ATXN8OS: variants seen among roughly 807,000 people sequenced by gnomAD.
ATXN8OS encodes the protein ATXN8 opposite strand lncRNA, also known as ATXN8 opposite strand (non-protein coding).
At chr13:70,166,670 G>A (rs1240784747) in intron 4 of ATXN8OS, among the ~76,000 whole-genome samples, 1 of 152,020 alleles carries the variant, frequency 6.6e-6, no homozygotes, top group Admixed American at 6.6e-5. Flanking sequence ...TTGACAAATG[G>A]GATCTAATTA....
intron 3 of ATXN8OS, among the ~76,000 whole-genome samples, chr13:70,135,412 G>GCTCT (rs372937984): frequency 6.7e-6 from 1 of 149,502 alleles, no homozygotes; most frequent in African/African-American, 2.5e-5. Flanking sequence ...TTACTTAATG[G>GCTCT]CTCTCTCTCT....
chr13:70,121,469 G>A (rs1888359668), intron 2 of ATXN8OS, among the ~76,000 whole-genome samples: 1 of 152,080 alleles, frequency 6.6e-6, no homozygotes. Flanking sequence ...AAGGTGACCT[G>A]TATTGGATTA....
At chr13:70,166,371 A>G (rs1889075361) in intron 4 of ATXN8OS, among the ~76,000 whole-genome samples, 1 of 152,038 alleles carries the variant, frequency 6.6e-6, no homozygotes, top group Non-Finnish European at 1.5e-5. Context: ...CATATCTACA[A>G]CCATCTGATC....
chr13:70,156,099 T>C (rs1474415509), intron 4 of ATXN8OS, among the ~76,000 whole-genome samples: 1 of 152,118 alleles, frequency 6.6e-6, no homozygotes, highest in East Asian at 1.9e-4. Flanking sequence ...AATTTTTTGA[T>C]ATTTGCTCAT....
At position 70,151,862 on chromosome 13, in the gene ATXN8OS, A is replaced by C. The variant is rs574872046; in HGVS notation, n.573+4434A>C. On this transcript the variant is annotated intron_variant and non_coding_transcript_variant, in intron 4 of 4. Transcript: ENST00000678624. ...TAGGCGTGGTGATCACTGGAATGGT[A>C]AACATAGAATCATTTTGAGATATAT... Among the ~76,000 whole-genome samples, 12 of 152,252 alleles carry C rather than the reference A, an allele frequency of 7.9e-5. No individual in the cohort carries two copies. The South Asian group carries it at 2.5e-3, about 32-fold the overall frequency.
At chr13:70,129,562 T>G (rs2137482170) in intron 2 of ATXN8OS, among the ~76,000 whole-genome samples, 1 of 152,294 alleles carries the variant, frequency 6.6e-6, no homozygotes, top group South Asian at 2.1e-4. Context: ...GCAATATATT[T>G]AGTTAATTAT....
chr13:70,151,317 C>T (rs745543221), intron 4 of ATXN8OS, among the ~76,000 whole-genome samples: 12 of 152,044 alleles, frequency 7.9e-5, no homozygotes, highest in Non-Finnish European at 1.2e-4. Flanking sequence ...ACCCTTCCCC[C>T]GGCAACTGAC....
intron 4 of ATXN8OS, among the ~76,000 whole-genome samples, chr13:70,158,146 G>A (rs1237044966): frequency 2.0e-5 from 3 of 152,194 alleles, no homozygotes; most frequent in Non-Finnish European, 4.4e-5. Flanking sequence ...AGAGGCTGGC[G>A]TGGTGGCTCA....
At chr13:70,115,491 G>A (rs139533884) in intron 2 of ATXN8OS, among the ~76,000 whole-genome samples, 15 of 152,214 alleles carry the variant, frequency 9.9e-5, no homozygotes, top group African/African-American at 2.9e-4. Flanking sequence ...TTGTGTATTT[G>A]TGTAGATACA....
chr13:70,107,731 C>T, upstream of ATXN8OS: 1 of 1,486,458 alleles, frequency 6.7e-7, no homozygotes, highest in Non-Finnish European at 8.9e-7. Context: ...AGGCTGGCAG[C>T]TCACGCAGGA....
At chr13:70,121,349 G>C (rs1888358075) in intron 2 of ATXN8OS, among the ~76,000 whole-genome samples, 1 of 152,046 alleles carries the variant, frequency 6.6e-6, no homozygotes. Context: ...AAGAGATAGT[G>C]TTAGAGAGTT....
At chr13:70,155,019 T>C (rs1249770587) in intron 4 of ATXN8OS, among the ~76,000 whole-genome samples, 3 of 152,186 alleles carry the variant, frequency 2.0e-5, no homozygotes, top group African/African-American at 7.2e-5. Context: ...CCCCCTTTTG[T>C]GAAGTGTGTA....
chr13:70,133,814 C>T (rs1165182072), intron 3 of ATXN8OS, among the ~76,000 whole-genome samples: 4 of 152,088 alleles, frequency 2.6e-5, no homozygotes, highest in South Asian at 2.1e-4. Flanking sequence ...TCATTCTGGA[C>T]TTGTAGCCTC....
At chr13:70,170,261 A>T (rs988865356) in exon 5 of ATXN8OS, among the ~76,000 whole-genome samples, 2 of 152,118 alleles carry the variant, frequency 1.3e-5, no homozygotes, top group Non-Finnish European at 2.9e-5. Context: ...AATTCGTAAC[A>T]TATGAATGAG....
chr13:70,159,192 TC>T (rs1316683025), intron 4 of ATXN8OS, among the ~76,000 whole-genome samples: 20 of 134,662 alleles, frequency 1.5e-4, no homozygotes, highest in South Asian at 9.0e-4. Context: ...TCTCTCTCTC[TC>T]TCTCTCACTT....
At chr13:70,119,417 T>G (rs922295027) in intron 2 of ATXN8OS, among the ~76,000 whole-genome samples, 3 of 152,114 alleles carry the variant, frequency 2.0e-5, no homozygotes, top group Non-Finnish European at 4.4e-5. Context: ...TATAAGATTG[T>G]CTTTCTCTGA....
At position 70,160,152 on chromosome 13, in the gene ATXN8OS, A is replaced by G. The variant is rs533212996; in HGVS notation, n.574-9601A>G. Among the ~76,000 whole-genome samples, 18 of 148,010 alleles carry G rather than the reference A, an allele frequency of 1.2e-4. 1 individual carries two copies. The highest frequency in any genetic ancestry group is 3.4e-4 in the African/African-American group (14 of 41,440). On this transcript the variant is annotated intron_variant and non_coding_transcript_variant, in intron 4 of 4. Transcript: ENST00000678624. ...ATTCCCACCAGAAATGAATGAAGGTATCATTTTTGTTGACTTTTTGTGAGC... is the reference window on the plus strand; with the variant it reads ...ATTCCCACCAGAAATGAATGAAGGTGTCATTTTTGTTGACTTTTTGTGAGC...
intron 4 of ATXN8OS, among the ~76,000 whole-genome samples, chr13:70,163,743 T>C (rs1191810817): frequency 6.6e-6 from 1 of 151,850 alleles, no homozygotes; most frequent in Admixed American, 6.6e-5. Context: ...TTTTTGAACT[T>C]ATTAGGTTAA....
chr13:70,171,036 G>A (rs1186788373), exon 5 of ATXN8OS, among the ~76,000 whole-genome samples: 1 of 152,108 alleles, frequency 6.6e-6, no homozygotes, highest in African/African-American at 2.4e-5. Context: ...TAAAAGAAGA[G>A]CCTTATACAA....
Sources: allele counts gnomAD v4.1 joint callset (sites outside exome capture counted in the v4.1 genomes callset), GRCh38; gene constraint gnomAD v4.1.1; transcripts MANE v1.5; gene names NCBI Gene and HGNC (gene_info 2026-07-23, HGNC 2026-07-21).